Variants in STK10 observed in about 807,000 individuals in gnomAD.
STK10 encodes the protein serine/threonine kinase 10.
A neutral mutation model predicts 113.8 loss-of-function variants in STK10; 78 were observed. The observed-to-expected ratio is 0.69, with a 90% CI of 0.57 to 0.83. The LOEUF is 0.83. Among genes scored for constraint, STK10 ranks in the 40% least tolerant of loss-of-function variants. The pLI, the probability that STK10 is intolerant of heterozygous loss-of-function variation, is 0.00. For missense variants in STK10, 1,109 were observed against 1,280.1 expected (o/e 0.87, Z 2.04); for synonymous variants, 465 against 494.7 (o/e 0.94, Z 0.80).
chr5:172,043,870 G>C lies in STK10; in HGVS notation c.*1012C>G, dbSNP rs1043141891. On this transcript the variant is annotated 3_prime_UTR_variant, in exon 19 of 19. Transcript: ENST00000176763. ...TGGGACTCCTGAACACAGTCGGGGG[G>C]ATGGGGCAGAGGCAAACAGCCCTCC... 2.6e-5 allele frequency: 4 copies of C among 152,326 alleles called. No individual in the cohort carries two copies. Among genetic ancestry groups the C allele is most frequent in the African/African-American group, 7.2e-5 (3 of 41,458 alleles). The allele number at this position is 152,326 out of a possible 1,614,324, so 9.4% of individuals were successfully genotyped here.
chr5:172,180,825 C>T (rs939953691), intron 1 of STK10, among the ~76,000 whole-genome samples: 3 of 152,104 alleles, frequency 2.0e-5, no homozygotes, highest in Non-Finnish European at 4.4e-5. Context: ...AATAAAATAA[C>T]ATACAGCAAG....
chr5:172,084,185 T>C (rs1768499930), intron 10 of STK10, among the ~76,000 whole-genome samples: 1 of 151,958 alleles, frequency 6.6e-6, no homozygotes, highest in Admixed American at 6.6e-5. Flanking sequence ...GTGGATCACC[T>C]GAGGTCGGGG....
intron 1 of STK10, among the ~76,000 whole-genome samples, chr5:172,170,735 G>A (rs1052860032): frequency 1.3e-5 from 2 of 152,230 alleles, no homozygotes; most frequent in African/African-American, 4.8e-5. Context: ...GGGGATGTGG[G>A]AGCCCTCAGA....
intron 1 of STK10, among the ~76,000 whole-genome samples, chr5:172,163,590 G>A (rs1222089203): frequency 6.6e-6 from 1 of 152,180 alleles, no homozygotes; most frequent in South Asian, 2.1e-4. Context: ...CAGCAGGACT[G>A]TGAGCTGTCA....
At chr5:172,071,078 C>T (rs967935266) in intron 12 of STK10, among the ~76,000 whole-genome samples, 12 of 151,360 alleles carry the variant, frequency 7.9e-5, no homozygotes, top group Non-Finnish European at 5.9e-5. Flanking sequence ...GGTGTGGTGG[C>T]ACGCACCTGT....
intron 2 of STK10, among the ~76,000 whole-genome samples, chr5:172,130,367 C>T (rs992705747): frequency 1.3e-5 from 2 of 152,086 alleles, no homozygotes; most frequent in Non-Finnish European, 2.9e-5. Flanking sequence ...CCCGTCTCCA[C>T]TAAAAATACA....
chr5:172,078,826 G>A (rs562212023), intron 12 of STK10, among the ~76,000 whole-genome samples: 1 of 152,058 alleles, frequency 6.6e-6, no homozygotes, highest in Admixed American at 6.6e-5. Context: ...TGCTGGTGAG[G>A]AAGTCCAACT....
chr5:172,085,117 T>C (rs1309295754), intron 10 of STK10, among the ~76,000 whole-genome samples: 5 of 151,138 alleles, frequency 3.3e-5, no homozygotes, highest in East Asian at 2.0e-4. Flanking sequence ...TGGTGGTGCA[T>C]GTGTGTGGTC....
intron 12 of STK10, among the ~76,000 whole-genome samples, chr5:172,075,072 T>C (rs1292410987): frequency 3.3e-5 from 5 of 151,536 alleles, no homozygotes; most frequent in Admixed American, 1.3e-4. Context: ...TCCCAGCTAC[T>C]TGGGAGGCTG....
intron 12 of STK10, among the ~76,000 whole-genome samples, chr5:172,077,640 T>C (rs1768340411): frequency 6.6e-6 from 1 of 152,234 alleles, no homozygotes; most frequent in Non-Finnish European, 1.5e-5. Context: ...CTAATAATTA[T>C]TTTTCCTATA....
intron 2 of STK10, among the ~76,000 whole-genome samples, chr5:172,148,009 T>A (rs1770120916): frequency 1.3e-5 from 2 of 152,180 alleles, no homozygotes; most frequent in African/African-American, 4.8e-5. Context: ...TTGGCTGATG[T>A]GGACTATGAG....
chr5:172,142,684 T>C (rs1320550484), intron 2 of STK10, among the ~76,000 whole-genome samples: 1 of 152,222 alleles, frequency 6.6e-6, no homozygotes, highest in Non-Finnish European at 1.5e-5. Flanking sequence ...ACAAAAGACA[T>C]TGCCTGGTAC....
At chr5:172,096,638 C>A in intron 7 of STK10, 78 bp from the exon 8 acceptor site, 1 of 1,576,634 alleles carries the variant, frequency 6.3e-7, no homozygotes, top group Non-Finnish European at 8.6e-7. Flanking sequence ...GAGCTCACCC[C>A]CGGGGCAGAA....
rs535692433 is a variant in STK10, at chr5:172,108,048, C to T, written c.521-196G>A. ...AGATGAACACTTTCCTCTCTACTAACGAGAGCCTGCACTGGCAGCAGCCTT... is the reference window on the plus strand; with the variant it reads ...AGATGAACACTTTCCTCTCTACTAATGAGAGCCTGCACTGGCAGCAGCCTT... On this transcript the variant is annotated intron_variant, in intron 4 of 18. Transcript: ENST00000176763. 3.3e-4 allele frequency: 169 copies of T among 519,594 alleles called. 1 individual carries two copies. The highest frequency in any genetic ancestry group is 2.4e-4 in the Non-Finnish European group (71 of 292,388). 32.2% of individuals were successfully genotyped at this position (519,594 alleles called of 1,614,324 possible).
intron 18 of STK10, among the ~76,000 whole-genome samples, chr5:172,047,280 C>T (rs1259800040): frequency 1.3e-5 from 2 of 152,240 alleles, no homozygotes; most frequent in African/African-American, 4.8e-5. Flanking sequence ...TTCCCAACTG[C>T]ACACTCGTGG....
intron 15 of STK10, chr5:172,056,984 AAAGAAAGAAAGAGAAAGAAG>A (rs1464697191): frequency 0.014 from 1,420 of 101,826 alleles, 43 homozygotes; most frequent in African/African-American, 0.038. Flanking sequence ...AGAAAGAAAG[AAAGAAAGAAAGAGAAAGAAG>A]GAAAGAAAGA....
At chr5:172,130,952 G>T (rs1396208831) in intron 2 of STK10, among the ~76,000 whole-genome samples, 1 of 150,168 alleles carries the variant, frequency 6.7e-6, no homozygotes. Context: ...ACAAAACAAA[G>T]AAATGTCTTC....
chr5:172,059,886 A>T (rs1333899785), intron 14 of STK10, among the ~76,000 whole-genome samples: 1 of 152,148 alleles, frequency 6.6e-6, no homozygotes, highest in African/African-American at 2.4e-5. Context: ...TCCCAACAGC[A>T]CCAGGGTAGG....
Position 172,096,479 on chromosome 5 carries a change from T to C in STK10, c.952A>G (p.Ile318Val). 7 of 1,613,732 alleles carry C rather than the reference T, an allele frequency of 4.3e-6. No individual in the cohort carries two copies. Among genetic ancestry groups the C allele is most frequent in the Non-Finnish European group, 5.9e-6 (7 of 1,180,040 alleles). The stretch of plus-strand genomic sequence containing the variant: ...TCCCCCTCATCCCGGCCGTCTTCGA[T>C]CTCTTCCATCACCTCGGCCTTGGCC... ...AEAKAEVMEEIEDGRDEGEEE... is the reference protein window; with the variant it reads ...AEAKAEVMEEVEDGRDEGEEE... Residue 318 changes from isoleucine (I) to valine (V), a missense_variant, in exon 8 of 19, where the codon ATC (isoleucine) becomes GTC (valine). By Grantham distance (29) the Ile-to-Val change is conservative. This residue lies in a region of STK10 where 885 missense variants were observed against 991.1 expected (regional missense o/e 0.89). Coordinates refer to ENST00000176763, the MANE Select transcript of STK10 (RefSeq NM_005990.4).
Sources: allele counts gnomAD v4.1 joint callset (sites outside exome capture counted in the v4.1 genomes callset), GRCh38; gene constraint gnomAD v4.1.1; regional missense constraint gnomAD v4.1.1; transcripts MANE v1.5; gene names NCBI Gene and HGNC (gene_info 2026-07-23, HGNC 2026-07-21).